Variants in LRRC3B observed in about 807,000 individuals in gnomAD.
The protein encoded by LRRC3B is leucine-rich repeat-containing protein 3B.
In LRRC3B, 2 loss-of-function variants were observed where a neutral mutation model predicts 12.8. That is an observed-to-expected ratio of 0.16 (90% confidence interval 0.06 to 0.49). The LOEUF (loss-of-function observed/expected upper bound fraction) is 0.49. Ranked by LOEUF, LRRC3B falls within the 20% of genes least tolerant of loss-of-function variation. The pLI is 0.96. For missense variants in LRRC3B, 189 were observed against 319.4 expected, an observed-to-expected ratio of 0.59 and a Z score of 3.11; for synonymous variants, 132 against 122.0, an observed-to-expected ratio of 1.08 and a Z score of -0.54.
intron 1 of LRRC3B, among the ~76,000 whole-genome samples, chr3:26,688,080 A>G (rs1265790592): frequency 6.6e-6 from 1 of 152,248 alleles, no homozygotes; most frequent in African/African-American, 2.4e-5. Context: ...ATGGGAGGAC[A>G]TAACATGGAA....
At chr3:26,671,385 G>T (rs1457882617) in intron 1 of LRRC3B, among the ~76,000 whole-genome samples, 29 of 103,756 alleles carry the variant, frequency 2.8e-4, no homozygotes, top group African/African-American at 1.0e-3. Context: ...GAGAGAGAGA[G>T]AGAGAGAGAG....
chr3:26,682,721 G>A (rs1437545646), intron 1 of LRRC3B, among the ~76,000 whole-genome samples: 2 of 152,166 alleles, frequency 1.3e-5, no homozygotes, highest in Non-Finnish European at 2.9e-5. Flanking sequence ...TCCCCTCTCA[G>A]GGTTCTCACA....
chr3:26,699,377 ATAT>A (rs1700398337), intron 1 of LRRC3B, among the ~76,000 whole-genome samples: 1 of 152,100 alleles, frequency 6.6e-6, no homozygotes, highest in Non-Finnish European at 1.5e-5. Flanking sequence ...AATGAGGTGG[ATAT>A]TATTGATCAT....
intron 1 of LRRC3B, among the ~76,000 whole-genome samples, chr3:26,649,293 C>G (rs1699216319): frequency 6.6e-6 from 1 of 152,160 alleles, no homozygotes; most frequent in Non-Finnish European, 1.5e-5. Flanking sequence ...GAATGGGCAG[C>G]CTCTACTGGT....
intron 1 of LRRC3B, among the ~76,000 whole-genome samples, chr3:26,678,104 A>G (rs1272169926): frequency 6.6e-6 from 1 of 152,118 alleles, no homozygotes; most frequent in East Asian, 1.9e-4. Context: ...GGTGTGAGCC[A>G]CCACGTCCAA....
intron 1 of LRRC3B, among the ~76,000 whole-genome samples, chr3:26,639,118 C>T (rs994751094): frequency 2.0e-5 from 3 of 152,226 alleles, no homozygotes; most frequent in Admixed American, 6.5e-5. Context: ...TAGAGCTGCA[C>T]TGTTCAATAC....
chr3:26,710,368 C>T (rs199917044), exon 2 of LRRC3B: 407 of 1,613,788 alleles, frequency 2.5e-4, no homozygotes, highest in Non-Finnish European at 3.4e-4. Flanking sequence ...AGGAGGATGC[C>T]CGGAGACACC....
Position 26,707,216 on chromosome 3 carries a change from A to T in LRRC3B, c.-160-2297A>T, listed in dbSNP as rs531865361. 2.1e-5 allele frequency among the ~76,000 whole-genome samples: 3 copies of T among 140,694 alleles called. No homozygotes were observed. The East Asian group carries it at 6.3e-4, about 30-fold the overall frequency. 92.3% of individuals were successfully genotyped at this position (140,694 alleles called of 152,430 possible). On this transcript the variant is annotated intron_variant, in intron 1 of 1. Coordinates refer to ENST00000396641, the Ensembl canonical transcript of LRRC3B. ...AAAATACAGAAAAAAAAAAAAAAAA[A>T]TAGCTGGGCGTGGTGGTGTGTGCCT... is the stretch of plus-strand genomic sequence containing the variant.
exon 2 of LRRC3B, chr3:26,710,288 A>G (rs781054615): frequency 6.2e-7 from 1 of 1,614,004 alleles, no homozygotes; most frequent in East Asian, 2.2e-5. Context: ...CGATTATGCC[A>G]TGCTGGTCAC....
At chr3:26,664,418 C>T (rs1321316789) in intron 1 of LRRC3B, among the ~76,000 whole-genome samples, 2 of 152,094 alleles carry the variant, frequency 1.3e-5, no homozygotes, top group African/African-American at 4.8e-5. Context: ...AGAGAAAGTC[C>T]TATTTATCTG....
At chr3:26,642,342 G>A (rs1699047178) in intron 1 of LRRC3B, among the ~76,000 whole-genome samples, 2 of 152,192 alleles carry the variant, frequency 1.3e-5, no homozygotes, top group South Asian at 4.1e-4. Flanking sequence ...TGGTGGAGGA[G>A]ATGGCTCTAC....
intron 1 of LRRC3B, among the ~76,000 whole-genome samples, chr3:26,698,224 T>G (rs1246748493): frequency 6.6e-6 from 1 of 152,206 alleles, no homozygotes; most frequent in African/African-American, 2.4e-5. Flanking sequence ...GTGTTACATG[T>G]GTTATCTCAT....
At chr3:26,702,542 T>C (rs1251528837) in intron 1 of LRRC3B, among the ~76,000 whole-genome samples, 1 of 152,174 alleles carries the variant, frequency 6.6e-6, no homozygotes, top group East Asian at 1.9e-4. Flanking sequence ...TTTCTCCTCA[T>C]TGAGCTGTTT....
chr3:26,662,486 C>T (rs1270579941), intron 1 of LRRC3B, among the ~76,000 whole-genome samples: 1 of 152,104 alleles, frequency 6.6e-6, no homozygotes, highest in African/African-American at 2.4e-5. Context: ...AGCCCCAGCC[C>T]CTCCTCTGAA....
intron 1 of LRRC3B, among the ~76,000 whole-genome samples, chr3:26,688,033 G>A (rs1032049928): frequency 1.3e-5 from 2 of 152,164 alleles, no homozygotes; most frequent in Non-Finnish European, 2.9e-5. Context: ...TTCCATCTTG[G>A]TTACATCAGA....
chr3:26,660,562 A>T (rs1699472143), intron 1 of LRRC3B, among the ~76,000 whole-genome samples: 1 of 152,194 alleles, frequency 6.6e-6, no homozygotes, highest in African/African-American at 2.4e-5. Flanking sequence ...GATAGGGTTC[A>T]TTTAGGTTTT....
intron 1 of LRRC3B, among the ~76,000 whole-genome samples, chr3:26,688,397 G>A (rs1002979849): frequency 6.6e-6 from 1 of 152,176 alleles, no homozygotes; most frequent in African/African-American, 2.4e-5. Flanking sequence ...GTTCCCATCT[G>A]TATTAGCCTA....
At chr3:26,652,613 G>A (rs951607211) in intron 1 of LRRC3B, among the ~76,000 whole-genome samples, 5 of 152,182 alleles carry the variant, frequency 3.3e-5, no homozygotes, top group South Asian at 2.1e-4. Context: ...AGTTTCCTAC[G>A]TCCATGTACT....
intron 1 of LRRC3B, among the ~76,000 whole-genome samples, chr3:26,682,692 C>T (rs1469010212): frequency 1.3e-5 from 2 of 152,126 alleles, no homozygotes; most frequent in Non-Finnish European, 2.9e-5. Context: ...TTTTAAGTAC[C>T]ACTGGGCCTC....
Sources: gnomAD v4.1 joint callset for allele counts (sites outside exome capture counted in the v4.1 genomes callset) on GRCh38, gnomAD v4.1.1 for gene constraint, MANE v1.5 for transcripts, NCBI Gene and HGNC (gene_info 2026-07-23, HGNC 2026-07-21) for gene names.